The following GRIK2 variants were observed in gnomAD, a reference collection of about 807,000 sequenced individuals.
The protein encoded by GRIK2 is glutamate ionotropic receptor kainate type subunit 2.
A neutral mutation model predicts 100.3 loss-of-function variants in GRIK2; 32 were observed. The ratio of observed to expected loss-of-function variants is 0.32; its 90% CI spans 0.24 to 0.43. The LOEUF is 0.43. Ranked by LOEUF, GRIK2 falls within the 20% of genes least tolerant of loss-of-function variation. The probability of loss-of-function intolerance (pLI) is 1.00; values close to 1 mark genes in which losing one functional copy is unlikely to be tolerated. For missense variants in GRIK2, 843 were observed against 1,114.9 expected (o/e 0.76, Z 3.47); for synonymous variants, 417 against 389.4 (o/e 1.07, Z -0.83).
chr6:101,519,000 A>G (rs1774733080), intron 2 of GRIK2, among the ~76,000 whole-genome samples: 1 of 152,330 alleles, frequency 6.6e-6, no homozygotes, highest in East Asian at 1.9e-4. Flanking sequence ...TTGGCAAGAC[A>G]TGTAAGAGTA....
chr6:101,461,843 T>G (rs1771323016), intron 2 of GRIK2, among the ~76,000 whole-genome samples: 1 of 152,146 alleles, frequency 6.6e-6, no homozygotes, highest in Admixed American at 6.5e-5. Context: ...TGAGAAAAAC[T>G]TTGTTTTATA....
intron 2 of GRIK2, among the ~76,000 whole-genome samples, chr6:101,452,307 T>G (rs1770750405): frequency 6.6e-6 from 1 of 151,806 alleles, no homozygotes; most frequent in Non-Finnish European, 1.5e-5. Context: ...AATAACACTT[T>G]AAGAATAACT....
intron 7 of GRIK2, among the ~76,000 whole-genome samples, chr6:101,794,851 T>C (rs555282912): frequency 1.4e-4 from 22 of 152,054 alleles, no homozygotes; most frequent in Non-Finnish European, 2.5e-4. Context: ...TTTTGTGTAA[T>C]AGTTGCTTGT....
intron 2 of GRIK2, among the ~76,000 whole-genome samples, chr6:101,416,300 C>T (rs544490379): frequency 6.6e-5 from 10 of 152,206 alleles, no homozygotes; most frequent in South Asian, 2.1e-4. Flanking sequence ...AGGCGTGATC[C>T]GTGTTAGAGG....
intron 12 of GRIK2, among the ~76,000 whole-genome samples, chr6:101,890,976 CATAT>C (rs61125711): frequency 5.6e-4 from 82 of 146,814 alleles, no homozygotes; most frequent in South Asian, 4.2e-3. Flanking sequence ...ATAAAGTGTA[CATAT>C]ATATATATAT....
At chr6:101,796,458 GAC>G (rs1399120080) in intron 7 of GRIK2, among the ~76,000 whole-genome samples, 3 of 152,106 alleles carry the variant, frequency 2.0e-5, no homozygotes, top group East Asian at 3.8e-4. Context: ...GAGATTTATA[GAC>G]ACACAATTTT....
intron 7 of GRIK2, among the ~76,000 whole-genome samples, chr6:101,793,606 A>T (rs1005277916): frequency 3.9e-5 from 6 of 152,136 alleles, no homozygotes; most frequent in Admixed American, 6.5e-5. Context: ...GTGAGGTGTC[A>T]GTCTGCCCCT....
chr6:102,031,452 TATTTTA>T (rs1769995570), intron 14 of GRIK2, among the ~76,000 whole-genome samples: 1 of 91,174 alleles, frequency 1.1e-5, no homozygotes, highest in Non-Finnish European at 2.0e-5. Flanking sequence ...TATTTATTTT[TATTTTA>T]AAAATTTTTA....
intron 7 of GRIK2, among the ~76,000 whole-genome samples, chr6:101,761,346 ATTTC>A (rs1213951765): frequency 6.6e-6 from 1 of 152,030 alleles, no homozygotes; most frequent in Non-Finnish European, 1.5e-5. Context: ...ATTTTTAGTC[ATTTC>A]TTCTTTTTTT....
chr6:101,739,707 AC>A (rs1305119900), intron 7 of GRIK2, among the ~76,000 whole-genome samples: 3 of 152,356 alleles, frequency 2.0e-5, no homozygotes, highest in Admixed American at 2.0e-4. Context: ...TTGAGGAGCC[AC>A]AATTGTGACT....
intron 4 of GRIK2, among the ~76,000 whole-genome samples, chr6:101,642,648 T>G (rs900249931): frequency 4.6e-5 from 7 of 151,758 alleles, no homozygotes; most frequent in African/African-American, 1.7e-4. Context: ...CATCAAATAC[T>G]TGGGTTGCTT....
At chr6:101,581,461 A>G (rs1286885694) in intron 2 of GRIK2, among the ~76,000 whole-genome samples, 4 of 152,108 alleles carry the variant, frequency 2.6e-5, no homozygotes, top group African/African-American at 4.8e-5. Context: ...GACAGGAAAC[A>G]TCCAGCATGG....
chr6:101,727,801 T>C (rs2128369092), intron 7 of GRIK2, among the ~76,000 whole-genome samples: 1 of 152,102 alleles, frequency 6.6e-6, no homozygotes, highest in Non-Finnish European at 1.5e-5. Context: ...ATTATAGAAA[T>C]GAGGGCTTAA....
intron 14 of GRIK2, among the ~76,000 whole-genome samples, chr6:102,029,912 C>A (rs897291527): frequency 5.3e-5 from 8 of 151,200 alleles, no homozygotes; most frequent in Non-Finnish European, 1.0e-4. Flanking sequence ...TTCCTGGTAT[C>A]TTATCTGTAT....
At chr6:101,500,965 C>T (rs1252475447) in intron 2 of GRIK2, among the ~76,000 whole-genome samples, 1 of 151,186 alleles carries the variant, frequency 6.6e-6, no homozygotes, top group Admixed American at 6.6e-5. Flanking sequence ...ATTAACAGTA[C>T]TTCAAAAATT....
At chr6:101,799,535 G>T in intron 7 of GRIK2, 113 bp from the exon 8 acceptor site, 2 of 763,694 alleles carry the variant, frequency 2.6e-6, no homozygotes, top group Non-Finnish European at 4.5e-6. Context: ...TTTATACAAA[G>T]AAAAATGGGA....
At chr6:101,823,862 G>GTTTTTTTTT (rs11454516) in intron 10 of GRIK2, among the ~76,000 whole-genome samples, 2 of 130,396 alleles carry the variant, frequency 1.5e-5, no homozygotes, top group Non-Finnish European at 1.7e-5. Context: ...AGTAAGTTCT[G>GTTTTTTTTT]TTTTTTTTTT....
At chr6:102,009,586 A>G (rs189386559) in intron 14 of GRIK2, among the ~76,000 whole-genome samples, 7 of 152,284 alleles carry the variant, frequency 4.6e-5, no homozygotes, top group Non-Finnish European at 7.4e-5. Context: ...TTTTAGATGT[A>G]AGAAAATGTC....
chr6:101,428,287 T>G (rs1769166574), intron 2 of GRIK2, among the ~76,000 whole-genome samples: 1 of 152,220 alleles, frequency 6.6e-6, no homozygotes, highest in Admixed American at 6.5e-5. Context: ...ACAGCTTTGA[T>G]TTGTTAACAT....
Sources: allele counts gnomAD v4.1 joint callset (sites outside exome capture counted in the v4.1 genomes callset), GRCh38; gene constraint gnomAD v4.1.1; transcripts MANE v1.5; gene names NCBI Gene and HGNC (gene_info 2026-07-23, HGNC 2026-07-21).